The following TMEFF2 variants were observed in gnomAD, a reference collection of about 807,000 sequenced individuals.
The protein encoded by TMEFF2 is transmembrane protein with EGF like and two follistatin like domains 2, also known as tomoregulin-2.
TMEFF2 carries 28 observed loss-of-function variants against 53.8 expected under a neutral mutation model. That is an observed-to-expected ratio of 0.52 (90% CI 0.39 to 0.71). TMEFF2 has a LOEUF of 0.71. Ranked by LOEUF, TMEFF2 falls within the 30% of genes least tolerant of loss-of-function variation. The pLI is 0.00. For missense variants in TMEFF2, 353 were observed against 455.2 expected (o/e 0.78, Z 2.04); for synonymous variants, 162 against 166.3 (o/e 0.97, Z 0.20).
chr2:192,164,642 C>T (rs547424616), intron 4 of TMEFF2, among the ~76,000 whole-genome samples: 37 of 151,542 alleles, frequency 2.4e-4, no homozygotes, highest in Admixed American at 2.0e-3. Context: ...GCAGGAGAAT[C>T]GCTTGAACAT....
intron 5 of TMEFF2, among the ~76,000 whole-genome samples, chr2:192,026,193 G>A (rs4241287): frequency 0.38 from 57,330 of 151,994 alleles, 13,258 homozygotes; most frequent in East Asian, 0.55. Context: ...CCCAATAGGC[G>A]TTTTATTTTA....
intron 4 of TMEFF2, among the ~76,000 whole-genome samples, chr2:192,101,006 C>T (rs1253359031): frequency 2.0e-5 from 3 of 152,178 alleles, no homozygotes; most frequent in African/African-American, 7.2e-5. Context: ...TCTCCTTCCT[C>T]TCGCTTATTA....
chr2:192,134,862 G>T (rs1331930280), intron 4 of TMEFF2, among the ~76,000 whole-genome samples: 1 of 152,120 alleles, frequency 6.6e-6, no homozygotes, highest in Non-Finnish European at 1.5e-5. Context: ...AATCAGCCAA[G>T]CATTTTTTCA....
chr2:191,993,662 T>C (rs1434643917), intron 7 of TMEFF2, among the ~76,000 whole-genome samples: 2 of 152,062 alleles, frequency 1.3e-5, no homozygotes, highest in Non-Finnish European at 2.9e-5. Context: ...TTCCTCTGTA[T>C]TTTTTCCAAT....
intron 4 of TMEFF2, among the ~76,000 whole-genome samples, chr2:192,106,286 T>C (rs1355020961): frequency 6.6e-6 from 1 of 151,720 alleles, no homozygotes; most frequent in Non-Finnish European, 1.5e-5. Context: ...ATAAAATATA[T>C]GTACAGAAAA....
chr2:192,164,861 T>C (rs1310364297), intron 4 of TMEFF2, among the ~76,000 whole-genome samples: 1 of 152,174 alleles, frequency 6.6e-6, no homozygotes. Context: ...GCATCTAAAA[T>C]ATGGTTGGCA....
At chr2:191,981,225 C>G (rs1685844839) in intron 7 of TMEFF2, among the ~76,000 whole-genome samples, 1 of 152,136 alleles carries the variant, frequency 6.6e-6, no homozygotes, top group South Asian at 2.1e-4. Flanking sequence ...GCTCCAGTTG[C>G]TCCACTTTTT....
intron 4 of TMEFF2, among the ~76,000 whole-genome samples, chr2:192,073,455 T>G (rs1018696887): frequency 6.6e-6 from 1 of 151,872 alleles, no homozygotes; most frequent in Non-Finnish European, 1.5e-5. Flanking sequence ...GTTACTTGTA[T>G]TTAACTCCTA....
chr2:192,166,419 G>A (rs894489357), intron 4 of TMEFF2, among the ~76,000 whole-genome samples: 4 of 152,074 alleles, frequency 2.6e-5, no homozygotes, highest in Non-Finnish European at 2.9e-5. Flanking sequence ...AATGGAAAAT[G>A]GAATATAGAC....
At chr2:192,004,417 T>C (rs1384836382) in intron 5 of TMEFF2, among the ~76,000 whole-genome samples, 10 of 152,152 alleles carry the variant, frequency 6.6e-5, no homozygotes. Context: ...CCAATATAAT[T>C]TGAACATGAT....
In TMEFF2 at chr2:191,996,103, C is replaced by G. The variant is rs115155778; in HGVS notation, c.745+2159G>C. ...AAAAAACCAAACCCATATATAAATA[C>G]TTTTTGGAATAAAAATTCAATTATC... On this transcript the variant is annotated intron_variant, in intron 7 of 9. Coordinates refer to ENST00000272771, the MANE Select transcript of TMEFF2 (RefSeq NM_016192.4). Among the ~76,000 whole-genome samples the G allele has an allele frequency of 9.3e-3, 1,407 of 151,886 alleles. 32 individuals are homozygous for G. The highest frequency in any genetic ancestry group is 0.032 in the African/African-American group (1,325 of 41,498).
chr2:191,986,954 C>T (rs553370666), intron 7 of TMEFF2, among the ~76,000 whole-genome samples: 7 of 151,088 alleles, frequency 4.6e-5, no homozygotes, highest in South Asian at 2.1e-4. Context: ...TTTTGGGGAA[C>T]GGGAGAATTC....
intron 4 of TMEFF2, among the ~76,000 whole-genome samples, chr2:192,114,938 A>G (rs1689365675): frequency 6.6e-6 from 1 of 152,028 alleles, no homozygotes. Context: ...GTATATGTAT[A>G]TCAAATCATC....
chr2:192,021,656 C>T (rs372633803), intron 5 of TMEFF2, among the ~76,000 whole-genome samples: 3 of 152,024 alleles, frequency 2.0e-5, no homozygotes, highest in Admixed American at 6.6e-5. Flanking sequence ...AGTGACAAGA[C>T]GCAAGCAAAA....
At chr2:192,051,234 T>TTTG (rs933118085) in intron 5 of TMEFF2, among the ~76,000 whole-genome samples, 2 of 151,080 alleles carry the variant, frequency 1.3e-5, no homozygotes, top group African/African-American at 4.9e-5. Context: ...TTCTGGGTTT[T>TTTG]TTTTTTTCAT....
chr2:192,116,362 C>G (rs970843168), intron 4 of TMEFF2, among the ~76,000 whole-genome samples: 1 of 151,842 alleles, frequency 6.6e-6, no homozygotes, highest in African/African-American at 2.4e-5. Flanking sequence ...TCAAAGAGTA[C>G]AAATTTTGGT....
chr2:192,069,725 T>G (rs952821773), intron 4 of TMEFF2, among the ~76,000 whole-genome samples: 4 of 151,750 alleles, frequency 2.6e-5, no homozygotes, highest in African/African-American at 4.8e-5. Context: ...TTACTGCCAT[T>G]AGATCACCAA....
intron 8 of TMEFF2, among the ~76,000 whole-genome samples, chr2:191,955,725 A>G (rs1692062616): frequency 6.6e-6 from 1 of 151,700 alleles, no homozygotes; most frequent in African/African-American, 2.4e-5. Context: ...CTGGGGGGGT[A>G]TGGCTAATGA....
intron 4 of TMEFF2, among the ~76,000 whole-genome samples, chr2:192,109,415 A>G (rs1689224968): frequency 6.6e-6 from 1 of 152,024 alleles, no homozygotes; most frequent in Non-Finnish European, 1.5e-5. Context: ...CCTTCAAGGT[A>G]TCTGTTTCCT....
Sources: gnomAD v4.1 joint callset for allele counts (sites outside exome capture counted in the v4.1 genomes callset) on GRCh38, gnomAD v4.1.1 for gene constraint, MANE v1.5 for transcripts, NCBI Gene and HGNC (gene_info 2026-07-23, HGNC 2026-07-21) for gene names.